EIF4E1B: variants seen among roughly 807,000 people sequenced by gnomAD.
EIF4E1B encodes eukaryotic translation initiation factor 4E type 1B.
EIF4E1B carries 22 observed loss-of-function variants against 31.3 expected under a neutral mutation model. That is an observed-to-expected ratio of 0.70 (90% confidence interval 0.50 to 1.00). EIF4E1B has a LOEUF of 1.00. Among genes scored for constraint, EIF4E1B ranks in the 50% least tolerant of loss-of-function variants. EIF4E1B has a pLI of 0.00. For synonymous variants in EIF4E1B, 126 were observed against 120.2 expected (o/e 1.05, Z -0.31); for missense variants, 290 against 311.6 (o/e 0.93, Z 0.52).
At position 176,646,277 on chromosome 5, in the gene EIF4E1B, G is replaced by GA. The variant is rs1240078180; in HGVS notation, c.*300dup. On this transcript the variant is annotated 3_prime_UTR_variant, in exon 9 of 9. Coordinates refer to ENST00000318682, the MANE Select transcript of EIF4E1B (RefSeq NM_001099408.2). ...GAAGGAGGGCTCTATGGTAGGCGGA[G>GA]AAACCCATAGTCCAGCGTTTACTGT... is the stretch of plus-strand genomic sequence containing the variant. 16 of 343,138 alleles carry GA rather than the reference G, an allele frequency of 4.7e-5. No individual in the cohort carries two copies. In the Admixed American group the frequency reaches 6.3e-4, roughly 13 times the overall value. The allele number at this position is 343,138 out of a possible 1,614,324, so 21.3% of individuals were successfully genotyped here.
chr5:176,642,870 C>CCCCCCCCCCCCG, intron 3 of EIF4E1B, 68 bp downstream of exon 3: 2 of 1,426,050 alleles, frequency 1.4e-6, no homozygotes, highest in East Asian at 2.6e-5. Flanking sequence ...CCCCCCGCCC[C>CCCCCCCCCCCCG]AGGTGGGCGG....
At position 176,646,275 on chromosome 5, in the gene EIF4E1B, G is replaced by A. The variant is rs1217695173; in HGVS notation, c.*295G>A. 6 of 349,140 alleles carry A rather than the reference G, an allele frequency of 1.7e-5. No individual in the cohort carries two copies. The South Asian group carries it at 2.6e-4, about 15-fold the overall frequency. The allele number at this position is 349,140 out of a possible 1,614,324, so 21.6% of individuals were successfully genotyped here. The stretch of plus-strand genomic sequence containing the variant: ...GGGAAGGAGGGCTCTATGGTAGGCG[G>A]AGAAACCCATAGTCCAGCGTTTACT... On this transcript the variant is annotated 3_prime_UTR_variant, in exon 9 of 9. Transcript: ENST00000318682.
chr5:176,635,041 G>T (rs896951704), intron 1 of EIF4E1B, among the ~76,000 whole-genome samples: 1 of 152,064 alleles, frequency 6.6e-6, no homozygotes, highest in Non-Finnish European at 1.5e-5. Context: ...GGAGTCATTA[G>T]CATAGAGGTG....
chr5:176,645,592 G>C lies in EIF4E1B; in HGVS notation c.614+76G>C. 1 of 1,450,856 alleles carries C rather than the reference G, an allele frequency of 6.9e-7. No homozygotes were observed. The highest frequency in any genetic ancestry group is 9.1e-7 in the Non-Finnish European group (1 of 1,100,668). 89.9% of individuals were successfully genotyped at this position (1,450,856 alleles called of 1,614,324 possible). On this transcript the variant is annotated intron_variant, in intron 8 of 8. Coordinates refer to ENST00000318682, the MANE Select transcript of EIF4E1B (RefSeq NM_001099408.2). This position sits in a 1 kb window ranked among gnomAD's most constrained non-coding sequence, Gnocchi z 5.4. ...AAGGTGGGTGGAGGGGGCTTGGCCT[G>C]CATGGGAGACCTCTGAAAGTCTCCA...
intron 3 of EIF4E1B, 49 bp downstream of exon 3, chr5:176,642,851 T>TAC: frequency 2.0e-6 from 2 of 998,544 alleles, no homozygotes; most frequent in Non-Finnish European, 2.5e-6. Context: ...CCCCGCCCTC[T>TAC]CCCCCCCCCC....
At chr5:176,633,670 T>C (rs1164855241) in intron 1 of EIF4E1B, among the ~76,000 whole-genome samples, 1 of 152,174 alleles carries the variant, frequency 6.6e-6, no homozygotes, top group Non-Finnish European at 1.5e-5. Flanking sequence ...AAGTGATTTC[T>C]GTGGCTTGGG....
rs1581188400 is a variant in EIF4E1B at position 176,645,921 on chromosome 5, G to C, written c.670G>C (p.Ala224Pro). The C allele has an allele frequency of 1.2e-6, 2 of 1,609,248 alleles. No individual in the cohort carries two copies. The highest frequency in any genetic ancestry group is 1.7e-6 in the Non-Finnish European group (2 of 1,177,886). Residue 224 changes from alanine to proline, a missense_variant, in exon 9 of 9, where the codon GCC becomes CCC. Coordinates refer to ENST00000318682, the MANE Select transcript of EIF4E1B (RefSeq NM_001099408.2). This position sits in a 1 kb window ranked among gnomAD's most constrained non-coding sequence, Gnocchi z 5.4. ...CCCAAAGACCATCATTGGGTACCAG[G>C]CCCATGCAGACACAGCCACCAAGAG... ...LSPKTIIGYQAHADTATKSNS... is the reference protein window; with the variant it reads ...LSPKTIIGYQPHADTATKSNS...
intron 1 of EIF4E1B, among the ~76,000 whole-genome samples, chr5:176,637,379 C>T (rs899846444): frequency 6.6e-5 from 10 of 152,180 alleles, no homozygotes; most frequent in Admixed American, 5.9e-4. Flanking sequence ...GCAGAGGTTA[C>T]AGTGGGCTGA....
At chr5:176,637,557 A>G (rs1222402614) in intron 1 of EIF4E1B, among the ~76,000 whole-genome samples, 2 of 152,168 alleles carry the variant, frequency 1.3e-5, no homozygotes, top group African/African-American at 4.8e-5. Flanking sequence ...GGAGAAGCAG[A>G]GGAATTGCTG....
In EIF4E1B at chr5:176,642,893, TG is replaced by T. The variant is rs1760613309; in HGVS notation, c.15+94del. 13 of 1,037,510 alleles carry T rather than the reference TG, an allele frequency of 1.3e-5. No homozygotes were observed. In the South Asian group the frequency reaches 2.3e-4, roughly 19 times the overall value. The allele number at this position is 1,037,510 out of a possible 1,614,324, so 64.3% of individuals were successfully genotyped here. On this transcript the variant is annotated intron_variant, in intron 3 of 8. Coordinates refer to ENST00000318682, the MANE Select transcript of EIF4E1B (RefSeq NM_001099408.2). Reference sequence around the variant, plus strand: ...CCCAGGTGGGCGGGGCAGGTGCTGGTGGGTTAAAAGCTGGTAGCTGGGGGCT... The same window carrying T: ...CCCAGGTGGGCGGGGCAGGTGCTGGTGGTTAAAAGCTGGTAGCTGGGGGCT...
chr5:176,632,549 C>T (rs1760423720), intron 1 of EIF4E1B, among the ~76,000 whole-genome samples: 1 of 152,256 alleles, frequency 6.6e-6, no homozygotes, highest in African/African-American at 2.4e-5. Flanking sequence ...AGCCACCTCA[C>T]CTGGCCACAC....
chr5:176,645,620 G>A lies in EIF4E1B; in HGVS notation c.614+104G>A. 1 of 1,408,402 alleles carries A rather than the reference G, an allele frequency of 7.1e-7. No individual in the cohort carries two copies. 87.2% of individuals were successfully genotyped at this position (1,408,402 alleles called of 1,614,324 possible). On this transcript the variant is annotated intron_variant, in intron 8 of 8. Transcript: ENST00000318682. This position sits in a 1 kb window ranked among gnomAD's most constrained non-coding sequence, Gnocchi z 5.4. The stretch of plus-strand genomic sequence containing the variant: ...TGGGAGACCTCTGAAAGTCTCCATA[G>A]CCTCCCTCCCTTCTGCCTTGCCCAC...
chr5:176,645,009 A>T lies in EIF4E1B; in HGVS notation c.361-121A>T, dbSNP rs1581187675. The T allele has an allele frequency of 1.2e-6, 1 of 820,530 alleles. No individual in the cohort carries two copies. Among genetic ancestry groups the T allele is most frequent in the Non-Finnish European group, 1.9e-6 (1 of 517,074 alleles). 50.8% of individuals were successfully genotyped at this position (820,530 alleles called of 1,614,324 possible). A position where few individuals can be genotyped will look rare whatever the true frequency, so the allele number is the denominator to read the frequency against. On this transcript the variant is annotated intron_variant, in intron 6 of 8. Coordinates refer to ENST00000318682, the MANE Select transcript of EIF4E1B (RefSeq NM_001099408.2). This position sits in a 1 kb window ranked among gnomAD's most constrained non-coding sequence, Gnocchi z 5.4. Reference sequence around the variant, plus strand: ...GAACCTGCTTGCACTGAGGGAAGGGAGGATAAGAGAATCTGGCCTACTTAG... The same window carrying T: ...GAACCTGCTTGCACTGAGGGAAGGGTGGATAAGAGAATCTGGCCTACTTAG...
intron 1 of EIF4E1B, among the ~76,000 whole-genome samples, chr5:176,633,777 G>A (rs953619427): frequency 2.0e-5 from 3 of 152,182 alleles, no homozygotes; most frequent in African/African-American, 7.2e-5. Flanking sequence ...ATGAAATGAA[G>A]CGTGTCTGAA....
At chr5:176,640,799 T>C (rs566167112) in intron 1 of EIF4E1B, among the ~76,000 whole-genome samples, 1 of 152,270 alleles carries the variant, frequency 6.6e-6, no homozygotes, top group Non-Finnish European at 1.5e-5. Context: ...TCGCCCACAC[T>C]GGCCTGTCTT....
In EIF4E1B at chr5:176,645,378, T is replaced by A. The variant is rs370738911; in HGVS notation, c.476T>A (p.Leu159Gln). 24 of 1,532,354 alleles carry A rather than the reference T, an allele frequency of 1.6e-5. No individual in the cohort carries two copies. Among genetic ancestry groups the A allele is most frequent in the Middle Eastern group, 1.7e-4 (1 of 5,716 alleles). 94.9% of individuals were successfully genotyped at this position (1,532,354 alleles called of 1,614,324 possible). ...CACAACCCCCTACTTCGGGTCCAGC[T>A]GCTGTGTCTGATCGGGGAGAGCTTT... is the stretch of plus-strand genomic sequence containing the variant. ...IELDRLWLET[L>Q]LCLIGESFEE... Residue 159 changes from leucine (L) to glutamine (Q), a missense_variant and splice_region_variant, in exon 8 of 9, where the codon CTG (leucine) becomes CAG (glutamine). By Grantham distance (113) the Leu-to-Gln change is moderately radical. Coordinates refer to ENST00000318682, the MANE Select transcript of EIF4E1B (RefSeq NM_001099408.2). The surrounding 1 kb of genome is among the most constrained non-coding windows in gnomAD (Gnocchi z 5.4).
intron 5 of EIF4E1B, 151 bp from the exon 6 acceptor site, chr5:176,644,225 A>T (rs1004680261): frequency 2.2e-5 from 17 of 771,340 alleles, no homozygotes; most frequent in Non-Finnish European, 3.1e-5. Flanking sequence ...GAGAGTTTGG[A>T]TAAACGGGAG....
chr5:176,631,279 G>A (rs1475149293), intron 1 of EIF4E1B, among the ~76,000 whole-genome samples: 2 of 152,240 alleles, frequency 1.3e-5, no homozygotes, highest in Non-Finnish European at 1.5e-5. Context: ...CGCAGCTGGA[G>A]AGCCAGGATG....
intron 1 of EIF4E1B, among the ~76,000 whole-genome samples, chr5:176,641,201 T>G (rs1581185756): frequency 6.6e-6 from 1 of 152,074 alleles, no homozygotes; most frequent in Admixed American, 6.6e-5. Flanking sequence ...TGGTGGTGCA[T>G]GCCTGTAGTC....
Sources: allele counts gnomAD v4.1 joint callset (sites outside exome capture counted in the v4.1 genomes callset), GRCh38; gene constraint gnomAD v4.1.1; non-coding constraint Gnocchi (gnomAD v3.1); transcripts MANE v1.5; gene names NCBI Gene and HGNC (gene_info 2026-07-23, HGNC 2026-07-21).